Variants in PLCG2 observed in about 807,000 individuals in gnomAD.
PLCG2 encodes the protein phospholipase C gamma 2.
PLCG2 carries 69 observed loss-of-function variants against 175.6 expected under a neutral mutation model. The observed-to-expected ratio is 0.39, with a 90% CI of 0.32 to 0.48. The LOEUF is 0.48. Ranked by LOEUF, PLCG2 falls within the 20% of genes least tolerant of loss-of-function variation. The pLI is 0.91. For missense variants in PLCG2, 1,798 were observed against 1,650.9 expected (o/e 1.09, Z -1.54); for synonymous variants, 827 against 624.0 (o/e 1.33, Z -4.85).
At chr16:81,812,531 G>C (rs1441599055) in intron 2 of PLCG2, among the ~76,000 whole-genome samples, 2 of 152,026 alleles carry the variant, frequency 1.3e-5, no homozygotes, top group Admixed American at 6.6e-5. Context: ...TTTTTGATGG[G>C]GTTGTTTTTT....
intron 1 of PLCG2, among the ~76,000 whole-genome samples, chr16:81,746,530 C>T (rs1051947637): frequency 2.0e-5 from 3 of 152,168 alleles, no homozygotes; most frequent in Non-Finnish European, 4.4e-5. Context: ...CACCCCAGCG[C>T]CGGGAGGGGA....
In PLCG2 at chr16:81,936,150, C is replaced by T. The variant is rs1381038413; in HGVS notation, c.2843-19C>T. ...AGATGAGACACAGAAGTACTGATGA[C>T]CTTTTTCTCTGTGTGCAGAAAATCC... On this transcript the variant is annotated intron_variant, in intron 26 of 32. Transcript: ENST00000564138. 2.5e-6 allele frequency: 4 copies of T among 1,613,102 alleles called. No homozygotes were observed.
intron 5 of PLCG2, among the ~76,000 whole-genome samples, chr16:81,859,597 T>G (rs76829509): frequency 0.14 from 20,920 of 151,358 alleles, 1,673 homozygotes; most frequent in Middle Eastern, 0.2. Context: ...TGCAGTGGCA[T>G]GATCTCAGCT....
At chr16:81,919,200 C>A (rs73596885) in intron 19 of PLCG2, among the ~76,000 whole-genome samples, 1 of 152,134 alleles carries the variant, frequency 6.6e-6, no homozygotes, top group Non-Finnish European at 1.5e-5. Context: ...TAGGAAGCTC[C>A]TAAAGTCAAG....
chr16:81,911,169 C>A (rs1909604728), intron 18 of PLCG2, among the ~76,000 whole-genome samples: 1 of 152,112 alleles, frequency 6.6e-6, no homozygotes, highest in African/African-American at 2.4e-5. Flanking sequence ...AAAGAAAAAA[C>A]AATTTTTAGG....
chr16:81,925,569 C>A (rs559085282), intron 22 of PLCG2, among the ~76,000 whole-genome samples: 25 of 152,308 alleles, frequency 1.6e-4, no homozygotes, highest in Admixed American at 4.6e-4. Context: ...CTTCCCACCA[C>A]CACGGAGCAC....
intron 2 of PLCG2, among the ~76,000 whole-genome samples, chr16:81,763,989 A>G (rs1201802049): frequency 6.6e-6 from 1 of 150,694 alleles, no homozygotes; most frequent in Non-Finnish European, 1.5e-5. Context: ...AAAACAAACA[A>G]AAAATAGTTA....
At chr16:81,842,530 C>A (rs1905889186) in intron 2 of PLCG2, among the ~76,000 whole-genome samples, 1 of 152,100 alleles carries the variant, frequency 6.6e-6, no homozygotes, top group Non-Finnish European at 1.5e-5. Context: ...TGGGAAGGTG[C>A]CCAAGCCTTC....
chr16:81,796,233 C>T (rs1374974587), intron 2 of PLCG2, among the ~76,000 whole-genome samples: 1 of 152,236 alleles, frequency 6.6e-6, no homozygotes, highest in African/African-American at 2.4e-5. Flanking sequence ...GTTTCTCTCA[C>T]AGATGTGGCC....
intron 2 of PLCG2, among the ~76,000 whole-genome samples, chr16:81,761,344 A>T (rs1451667218): frequency 2.0e-5 from 3 of 152,232 alleles, no homozygotes; most frequent in Non-Finnish European, 4.4e-5. Flanking sequence ...CAGCCTGGGC[A>T]ACAGGGCCAG....
chr16:81,907,863 C>G (rs774184520), intron 16 of PLCG2, 89 bp downstream of exon 16: 14 of 869,138 alleles, frequency 1.6e-5, no homozygotes, highest in Non-Finnish European at 2.4e-5. Context: ...CATGTGGCTT[C>G]TCTGGCCGGC....
At chr16:81,875,230 C>A (rs1422041221) in intron 7 of PLCG2, among the ~76,000 whole-genome samples, 1 of 152,076 alleles carries the variant, frequency 6.6e-6, no homozygotes, top group African/African-American at 2.4e-5. Context: ...TCCCAAGGTG[C>A]TGGGATTACA....
chr16:81,951,798 A>G lies in PLCG2; in HGVS notation c.3571-4897A>G, dbSNP rs557912712. ...ACAGTTAGCAACAAATTAAATATGA[A>G]AAAAGCATAAACTAGTAGATGCCAT... is the stretch of plus-strand genomic sequence containing the variant. On this transcript the variant is annotated intron_variant, in intron 31 of 32. Transcript: ENST00000564138. Among the ~76,000 whole-genome samples the G allele has an allele frequency of 2.0e-5, 3 of 152,378 alleles. No homozygotes were observed. The East Asian group carries it at 5.8e-4, about 29-fold the overall frequency.
In PLCG2 at chr16:81,895,865, T is replaced by G. The variant is rs1908861296; in HGVS notation, c.1131T>G (p.Thr377=). The change falls in exon 13 of 33, where the codon ACT becomes ACG. Residue 377 remains threonine, a synonymous_variant. Transcript: ENST00000564138. ...TCATCTACCATGGCTGGACGCGGAC[T>G]ACCAAGATCAAGTTTGACGACGTCG... ...KPVIYHGWTR[T]TKIKFDDVVQ... The G allele has an allele frequency of 6.2e-7, 1 of 1,613,986 alleles. No homozygotes were observed.
intron 2 of PLCG2, among the ~76,000 whole-genome samples, chr16:81,814,822 C>G (rs997524756): frequency 5.3e-5 from 8 of 152,170 alleles, no homozygotes; most frequent in Non-Finnish European, 1.2e-4. Flanking sequence ...CTCTCTGAAC[C>G]TTAGTTTCTT....
intron 1 of PLCG2, among the ~76,000 whole-genome samples, chr16:81,752,834 A>C (rs1909840068): frequency 6.6e-6 from 1 of 152,222 alleles, no homozygotes; most frequent in African/African-American, 2.4e-5. Context: ...TGTTGGGGGC[A>C]GAGCTGCCAG....
At chr16:81,806,307 C>T (rs541316329) in intron 2 of PLCG2, among the ~76,000 whole-genome samples, 1 of 152,176 alleles carries the variant, frequency 6.6e-6, no homozygotes, top group Middle Eastern at 3.4e-3. Context: ...GTGGCAGGTA[C>T]TATGATCATC....
intron 32 of PLCG2, 42 bp downstream of exon 32, chr16:81,956,921 C>T: frequency 6.5e-7 from 1 of 1,550,136 alleles, no homozygotes; most frequent in Non-Finnish European, 8.9e-7. Context: ...TGGGGGGTCT[C>T]TAGGCACGGT....
At chr16:81,913,811 A>AGGC (rs1909731457) in intron 19 of PLCG2, among the ~76,000 whole-genome samples, 1 of 152,052 alleles carries the variant, frequency 6.6e-6, no homozygotes, top group Non-Finnish European at 1.5e-5. Flanking sequence ...TGACCCTGCC[A>AGGC]GGCTGCCCCC....
Sources: allele counts gnomAD v4.1 joint callset (sites outside exome capture counted in the v4.1 genomes callset), GRCh38; gene constraint gnomAD v4.1.1; transcripts MANE v1.5; gene names NCBI Gene and HGNC (gene_info 2026-07-23, HGNC 2026-07-21).